USP6NL: variants seen among roughly 807,000 people sequenced by gnomAD.
USP6NL encodes USP6 N-terminal-like protein.
USP6NL carries 26 observed loss-of-function variants against 61.9 expected under a neutral mutation model. The ratio of observed to expected loss-of-function variants is 0.42; its 90% CI spans 0.31 to 0.58. The LOEUF (loss-of-function observed/expected upper bound fraction) is 0.58, where lower values mean the gene tolerates loss of function less well. Ranked by LOEUF, USP6NL falls within the 20% of genes least tolerant of loss-of-function variation. USP6NL has a pLI of 0.16. For missense variants in USP6NL, 1,114 were observed against 1,034.3 expected (o/e 1.08, Z -1.06); for synonymous variants, 432 against 390.1 (o/e 1.11, Z -1.27).
At position 11,478,584 on chromosome 10, in the gene USP6NL, AAAT is replaced by A. The variant is rs1378788765; in HGVS notation, c.1078+3183_1078+3185del. Among the ~76,000 whole-genome samples, 1 of 152,154 alleles carries A rather than the reference AAAT, an allele frequency of 6.6e-6. No homozygotes were observed. Among genetic ancestry groups the A allele is most frequent in the Non-Finnish European group, 1.5e-5 (1 of 68,028 alleles). On this transcript the variant is annotated intron_variant, in intron 14 of 14. Transcript: ENST00000609104. The surrounding 1 kb of genome is among the most constrained non-coding windows in gnomAD (Gnocchi z 6.8). ...TTTTGTAACTTGACAAAATAATATA[AAAT>A]AATGAGGGGACATTTGCCCTAATAG...
chr10:11,509,508 A>G (rs151005882), intron 6 of USP6NL, 87 bp downstream of exon 6: 29 of 1,254,636 alleles, frequency 2.3e-5, no homozygotes, highest in Non-Finnish European at 1.7e-5. Context: ...TGAATGTAAC[A>G]CTCTTATAAT....
chr10:11,575,460 C>A lies in USP6NL; in HGVS notation c.4+22171G>T, dbSNP rs1206295561. ...TCCATTAGCTTTCCTCTCTCCCAGT[C>A]TTTCTCTTTCTGCAAGGAAGGAGAT... On this transcript the variant is annotated intron_variant, in intron 2 of 14. Transcript: ENST00000609104. This position sits in a 1 kb window ranked among gnomAD's most constrained non-coding sequence, Gnocchi z 4.2. Among the ~76,000 whole-genome samples, 3 of 152,210 alleles carry A rather than the reference C, an allele frequency of 2.0e-5. No individual in the cohort carries two copies. Among genetic ancestry groups the A allele is most frequent in the African/African-American group, 7.2e-5 (3 of 41,458 alleles).
Position 11,578,725 on chromosome 10 carries a change from A to C in USP6NL, c.4+18906T>G, listed in dbSNP as rs79849923. ...CCTGATTTAGAACAGTGATTTGAGA[A>C]TGTTATTTTTAAATGTCAATACAAT... is the stretch of plus-strand genomic sequence containing the variant. On this transcript the variant is annotated intron_variant, in intron 2 of 14. Coordinates refer to ENST00000609104, the MANE Select transcript of USP6NL (RefSeq NM_014688.5). 6.6e-4 allele frequency among the ~76,000 whole-genome samples: 101 copies of C among 152,382 alleles called. 2 individuals carry two copies. In the East Asian group the frequency reaches 0.019, roughly 29 times the overall value.
In USP6NL at chr10:11,476,777, T is replaced by C. The variant is rs553907670; in HGVS notation, c.1078+4993A>G. Among the ~76,000 whole-genome samples the C allele has an allele frequency of 5.9e-5, 9 of 152,272 alleles. No individual in the cohort carries two copies. The highest frequency in any genetic ancestry group is 8.8e-5 in the Non-Finnish European group (6 of 68,012). On this transcript the variant is annotated intron_variant, in intron 14 of 14. Transcript: ENST00000609104. The surrounding 1 kb of genome is among the most constrained non-coding windows in gnomAD (Gnocchi z 4.3). ...TAAAAAACTACATGTCAAAAAAACA[T>C]AGACATGAATACAGCAAAAGAAGAC...
At chr10:11,488,791 C>G (rs1833585809) in intron 10 of USP6NL, among the ~76,000 whole-genome samples, 1 of 152,114 alleles carries the variant, frequency 6.6e-6, no homozygotes, top group Non-Finnish European at 1.5e-5. Flanking sequence ...TTTTATTTCT[C>G]CCAATAATAT....
At chr10:11,504,748 G>A (rs967784427) in intron 6 of USP6NL, among the ~76,000 whole-genome samples, 2 of 152,232 alleles carry the variant, frequency 1.3e-5, no homozygotes, top group African/African-American at 4.8e-5. Context: ...GTACTGGGAA[G>A]AGAAATACGT....
Position 11,485,490 on chromosome 10 carries a change from C to A in USP6NL, c.760-256G>T. Among the ~76,000 whole-genome samples, 1 of 152,072 alleles carries A rather than the reference C, an allele frequency of 6.6e-6. No homozygotes were observed. Among genetic ancestry groups the A allele is most frequent in the South Asian group, 2.1e-4 (1 of 4,826 alleles). On this transcript the variant is annotated intron_variant, in intron 11 of 14. Transcript: ENST00000609104. This position sits in a 1 kb window ranked among gnomAD's most constrained non-coding sequence, Gnocchi z 4.8. ...AGGCATATATATAGTTCACTAACAACGAGTTTCTGTGACCCTGAAAAAATA... is the reference window on the plus strand; with the variant it reads ...AGGCATATATATAGTTCACTAACAAAGAGTTTCTGTGACCCTGAAAAAATA...
At chr10:11,517,614 AG>A (rs1835011043) in intron 5 of USP6NL, among the ~76,000 whole-genome samples, 1 of 152,160 alleles carries the variant, frequency 6.6e-6, no homozygotes, top group African/African-American at 2.4e-5. Context: ...AGAGAGAACC[AG>A]ACAGTCACAA....
chr10:11,472,583 A>G (rs1266975162), intron 14 of USP6NL, among the ~76,000 whole-genome samples: 1 of 152,274 alleles, frequency 6.6e-6, no homozygotes, highest in Non-Finnish European at 1.5e-5. Flanking sequence ...GGAAAGAGTT[A>G]TCCCCTTCCA....
intron 2 of USP6NL, among the ~76,000 whole-genome samples, chr10:11,584,374 C>T (rs1373381677): frequency 6.6e-6 from 1 of 152,206 alleles, no homozygotes; most frequent in Non-Finnish European, 1.5e-5. Flanking sequence ...GGTATATAAA[C>T]ACAGACGTCC....
chr10:11,539,807 A>G (rs1835978413), intron 2 of USP6NL, among the ~76,000 whole-genome samples: 1 of 152,250 alleles, frequency 6.6e-6, no homozygotes, highest in Non-Finnish European at 1.5e-5. Context: ...AGAGGTTACT[A>G]TGTGCCAGAC....
intron 2 of USP6NL, among the ~76,000 whole-genome samples, chr10:11,576,256 A>C (rs1455249350): frequency 6.6e-6 from 1 of 152,150 alleles, no homozygotes; most frequent in African/African-American, 2.4e-5. Flanking sequence ...ATCCTGACTC[A>C]CTCTCTCTGG....
At position 11,493,651 on chromosome 10, in the gene USP6NL, ACCTAATTCAAT is replaced by A. The variant is rs1331118253; in HGVS notation, c.385-434_385-424del. ...TGTTTCTCAATTTGCTTTGTTTCCC[ACCTAATTCAAT>A]CCTAAGCTCCACTATAAATGGTATA... On this transcript the variant is annotated intron_variant, in intron 7 of 14. Coordinates refer to ENST00000609104, the MANE Select transcript of USP6NL (RefSeq NM_014688.5). Among the ~76,000 whole-genome samples, 6 of 152,210 alleles carry A rather than the reference ACCTAATTCAAT, an allele frequency of 3.9e-5. No individual in the cohort carries two copies. In the East Asian group the frequency reaches 1.2e-3, roughly 29 times the overall value.
chr10:11,501,767 T>A (rs538520375), intron 6 of USP6NL, among the ~76,000 whole-genome samples: 1 of 152,324 alleles, frequency 6.6e-6, no homozygotes, highest in South Asian at 2.1e-4. Flanking sequence ...CCATCTTCAG[T>A]GTTCTCTCTT....
At chr10:11,539,386 A>T (rs978404027) in intron 2 of USP6NL, among the ~76,000 whole-genome samples, 1 of 152,190 alleles carries the variant, frequency 6.6e-6, no homozygotes, top group Non-Finnish European at 1.5e-5. Context: ...CCTGCGCCTT[A>T]CTTCTCAAGG....
chr10:11,570,535 C>G (rs1453064638), intron 2 of USP6NL, among the ~76,000 whole-genome samples: 1 of 152,152 alleles, frequency 6.6e-6, no homozygotes, highest in East Asian at 1.9e-4. Context: ...GGTTCTCTAC[C>G]TACAGAAAAT....
In USP6NL at chr10:11,461,884, T is replaced by C. The variant is rs1316004815; in HGVS notation, c.*557A>G. 1 of 152,440 alleles carries C rather than the reference T, an allele frequency of 6.6e-6. No individual in the cohort carries two copies. Among genetic ancestry groups the C allele is most frequent in the Non-Finnish European group, 1.5e-5 (1 of 68,362 alleles). 9.4% of individuals were successfully genotyped at this position (152,440 alleles called of 1,614,324 possible). Reference sequence around the variant, plus strand: ...CAGTTTAGGACCCAGGTTACAAATATATGAGAGGGAAAAAGAAAAACTGGA... The same window carrying C: ...CAGTTTAGGACCCAGGTTACAAATACATGAGAGGGAAAAAGAAAAACTGGA... On this transcript the variant is annotated 3_prime_UTR_variant, in exon 15 of 15. Coordinates refer to ENST00000609104, the MANE Select transcript of USP6NL (RefSeq NM_014688.5).
In USP6NL at chr10:11,548,278, C is replaced by T. The variant is rs1836356969; in HGVS notation, c.5-20711G>A. Among the ~76,000 whole-genome samples, 1 of 152,146 alleles carries T rather than the reference C, an allele frequency of 6.6e-6. No homozygotes were observed. Among genetic ancestry groups the T allele is most frequent in the Non-Finnish European group, 1.5e-5 (1 of 68,028 alleles). On this transcript the variant is annotated intron_variant, in intron 2 of 14. Transcript: ENST00000609104. This position sits in a 1 kb window ranked among gnomAD's most constrained non-coding sequence, Gnocchi z 4.3. ...ATGCCCCAAATTCAACATGATACCC[C>T]GGAAAAGGTTTGGTGGGAGAACAGC...
At chr10:11,486,158 TA>T (rs3057313) in intron 10 of USP6NL, among the ~76,000 whole-genome samples, 61,509 of 139,676 alleles carry the variant, frequency 0.44, 13,494 homozygotes, top group Middle Eastern at 0.53. Context: ...AGGGAAACCT[TA>T]AAAAAAAAAA....
Sources: gnomAD v4.1 joint callset for allele counts (sites outside exome capture counted in the v4.1 genomes callset) on GRCh38, gnomAD v4.1.1 for gene constraint, Gnocchi (gnomAD v3.1) non-coding constraint, MANE v1.5 for transcripts, NCBI Gene and HGNC (gene_info 2026-07-23, HGNC 2026-07-21) for gene names.